The following PIK3C2G variants were observed in gnomAD, a reference collection of about 807,000 sequenced individuals.
The protein encoded by PIK3C2G is phosphatidylinositol 3-kinase C2 domain-containing subunit gamma.
Under a neutral mutation model 181.1 loss-of-function variants are expected in PIK3C2G, and 168 were observed. The observed-to-expected ratio is 0.93, with a 90% CI of 0.82 to 1.05. PIK3C2G has a LOEUF of 1.05. Among genes scored for constraint, PIK3C2G ranks in the 50% least tolerant of loss-of-function variants. PIK3C2G has a pLI of 0.00. For synonymous variants in PIK3C2G, 573 were observed against 592.2 expected (o/e 0.97, Z 0.47); for missense variants, 1,869 against 1,732.8 (o/e 1.08, Z -1.40).
intron 11 of PIK3C2G, among the ~76,000 whole-genome samples, chr12:18,355,914 A>C (rs978015198): frequency 6.6e-6 from 1 of 152,220 alleles, no homozygotes; most frequent in African/African-American, 2.4e-5. Context: ...AGCCATTTCA[A>C]ACCATGAAAG....
At chr12:18,318,377 CTTCA>C (rs1364538054) in intron 6 of PIK3C2G, among the ~76,000 whole-genome samples, 1 of 152,038 alleles carries the variant, frequency 6.6e-6, no homozygotes, top group Non-Finnish European at 1.5e-5. Context: ...TGTGTCTCAT[CTTCA>C]TTATCTGAAT....
At chr12:18,701,680 C>T in the PIK3C2G span, 21 of 1,610,208 alleles carry the variant, frequency 1.3e-5, no homozygotes, top group Non-Finnish European at 1.6e-5. Flanking sequence ...TCTTCCCATT[C>T]CTCCACCTTA....
intron 13 of PIK3C2G, among the ~76,000 whole-genome samples, chr12:18,373,629 C>T (rs1188971716): frequency 5.8e-4 from 88 of 152,104 alleles, no homozygotes; most frequent in Non-Finnish European, 1.3e-4. Flanking sequence ...GCGGGTGGAT[C>T]ACAAGGTCAG....
At chr12:18,650,347 A>ATGTGTG (rs71064013), downstream of PIK3C2G, among the ~76,000 whole-genome samples, 1,296 of 114,334 alleles carry the variant, frequency 0.011, 35 homozygotes, top group African/African-American at 0.041. Flanking sequence ...ATATATATAT[A>ATGTGTG]TGTGTGTGTG....
chr12:18,387,450 C>T (rs1263703413), intron 14 of PIK3C2G, among the ~76,000 whole-genome samples: 4 of 152,110 alleles, frequency 2.6e-5, no homozygotes, highest in Non-Finnish European at 5.9e-5. Flanking sequence ...AAAATGCTGT[C>T]GTTTCTGACA....
chr12:18,529,206 G>A (rs1943411449), intron 24 of PIK3C2G, among the ~76,000 whole-genome samples: 1 of 151,898 alleles, frequency 6.6e-6, no homozygotes, highest in Non-Finnish European at 1.5e-5. Flanking sequence ...ACAATTAAAT[G>A]TCATGAAAGG....
At chr12:18,560,234 AT>A (rs1012273179) in intron 26 of PIK3C2G, among the ~76,000 whole-genome samples, 1 of 152,086 alleles carries the variant, frequency 6.6e-6, no homozygotes, top group African/African-American at 2.4e-5. Context: ...TACTCATTTT[AT>A]ATAAAAATGA....
intron 13 of PIK3C2G, among the ~76,000 whole-genome samples, chr12:18,372,195 A>ATGTGTG (rs371668925): frequency 7.4e-5 from 11 of 148,416 alleles, no homozygotes; most frequent in Non-Finnish European, 1.1e-4. Flanking sequence ...AGCTGTGTGT[A>ATGTGTG]TGTGTGTGTG....
intron 31 of PIK3C2G, among the ~76,000 whole-genome samples, chr12:18,628,271 C>T (rs753447937): frequency 6.6e-6 from 1 of 151,746 alleles, no homozygotes; most frequent in Non-Finnish European, 1.5e-5. Context: ...AAATATTTTC[C>T]CCATATACAC....
At chr12:18,701,437 C>A in the PIK3C2G span, 1 of 1,606,532 alleles carries the variant, frequency 6.2e-7, no homozygotes, top group South Asian at 1.1e-5. Flanking sequence ...TTAAAAAAAT[C>A]TCCAAGAATA....
chr12:18,635,761 T>C lies in PIK3C2G; in HGVS notation c.4183-4668T>C, dbSNP rs115143679. ...CTTGGACCTGTTGCAGAACCTTCTC[T>C]TCTTCTGAGCCCCACTCAAAACAAG... On this transcript the variant is annotated intron_variant, in intron 31 of 32. Coordinates refer to ENST00000538779, the MANE Select transcript of PIK3C2G (RefSeq NM_001288772.2). 3.8e-3 allele frequency among the ~76,000 whole-genome samples: 573 copies of C among 152,312 alleles called. 4 individuals are homozygous for C. The highest frequency in any genetic ancestry group is 0.013 in the African/African-American group (550 of 41,566).
At chr12:18,376,058 T>C (rs139117705) in intron 13 of PIK3C2G, among the ~76,000 whole-genome samples, 1 of 152,166 alleles carries the variant, frequency 6.6e-6, no homozygotes, top group Non-Finnish European at 1.5e-5. Flanking sequence ...AGAGAACCTC[T>C]AATAGAAAAG....
chr12:18,305,625 ATTAG>A (rs146719172), intron 5 of PIK3C2G, among the ~76,000 whole-genome samples: 54,751 of 151,816 alleles, frequency 0.36, 10,098 homozygotes, highest in Non-Finnish European at 0.41. Context: ...AAATAAAGTG[ATTAG>A]TTAGAGAATT....
chr12:18,530,428 C>T (rs1465002873), intron 24 of PIK3C2G, among the ~76,000 whole-genome samples: 2 of 152,132 alleles, frequency 1.3e-5, no homozygotes, highest in African/African-American at 4.8e-5. Context: ...GTTTAAATAA[C>T]CTTGCCTCAA....
intron 18 of PIK3C2G, among the ~76,000 whole-genome samples, chr12:18,433,846 C>T (rs1391508999): frequency 1.3e-5 from 2 of 152,084 alleles, no homozygotes; most frequent in African/African-American, 4.8e-5. Flanking sequence ...TTCCTTCCAA[C>T]TAAAAATACA....
chr12:18,332,861 T>G (rs1004899588), intron 8 of PIK3C2G, among the ~76,000 whole-genome samples: 1 of 152,038 alleles, frequency 6.6e-6, no homozygotes, highest in African/African-American at 2.4e-5. Context: ...CCTACACACC[T>G]GAGCCACCGA....
chr12:18,395,225 T>G (rs1469668464), intron 15 of PIK3C2G, among the ~76,000 whole-genome samples: 1 of 150,592 alleles, frequency 6.6e-6, no homozygotes, highest in Non-Finnish European at 1.5e-5. Flanking sequence ...ATTTAAAAAT[T>G]TTGAAACATC....
intron 16 of PIK3C2G, among the ~76,000 whole-genome samples, chr12:18,413,077 C>T (rs779538395): frequency 6.6e-5 from 10 of 152,142 alleles, no homozygotes; most frequent in Non-Finnish European, 1.5e-4. Context: ...TTTATTAACC[C>T]TTACAATCTT....
chr12:18,646,560 G>A (rs561723799), intron 32 of PIK3C2G, among the ~76,000 whole-genome samples: 1 of 152,244 alleles, frequency 6.6e-6, no homozygotes, highest in Non-Finnish European at 1.5e-5. Context: ...AGTACTGGAA[G>A]CTAAATCCAT....
Sources: allele counts gnomAD v4.1 joint callset (sites outside exome capture counted in the v4.1 genomes callset), GRCh38; gene constraint gnomAD v4.1.1; transcripts MANE v1.5; gene names NCBI Gene and HGNC (gene_info 2026-07-23, HGNC 2026-07-21).